ECT2: variants seen among roughly 807,000 people sequenced by gnomAD.
ECT2 encodes the protein protein ECT2.
ECT2 carries 61 observed loss-of-function variants against 116.9 expected under a neutral mutation model. The ratio of observed to expected loss-of-function variants is 0.52; its 90% CI spans 0.42 to 0.65. The LOEUF is 0.65. Ranked by LOEUF, ECT2 falls within the 30% of genes least tolerant of loss-of-function variation. The pLI is 0.00. For synonymous variants in ECT2, 358 were observed against 346.4 expected, an observed-to-expected ratio of 1.03 and a Z score of -0.37; for missense variants, 937 against 1,078.7, an observed-to-expected ratio of 0.87 and a Z score of 1.84.
At position 172,807,831 on chromosome 3, in the gene ECT2, C is replaced by T; in HGVS notation, c.2307C>T (p.Leu769=). The T allele has an allele frequency of 6.2e-7, 1 of 1,613,938 alleles. No individual in the cohort carries two copies. Among genetic ancestry groups the T allele is most frequent in the Non-Finnish European group, 8.5e-7 (1 of 1,179,852 alleles). ...RPPTEQANVL[L]SFQMTSDELP... is the part of the protein sequence containing the mutation. Reference sequence around the variant, plus strand: ...CAACAGAGCAGGCAAATGTGCTACTCAGTTTCCAGATGACATCAGATGAAC... The same window carrying T: ...CAACAGAGCAGGCAAATGTGCTACTTAGTTTCCAGATGACATCAGATGAAC... The change falls in exon 22 of 25, where the codon CTC becomes CTT. Residue 769 remains leucine, a synonymous_variant. Transcript: ENST00000392692.
intron 18 of ECT2, among the ~76,000 whole-genome samples, chr3:172,792,085 A>C (rs1349966568): frequency 6.6e-6 from 1 of 152,146 alleles, no homozygotes; most frequent in African/African-American, 2.4e-5. Flanking sequence ...ACACACACAC[A>C]CTTATCAATT....
intron 13 of ECT2, among the ~76,000 whole-genome samples, chr3:172,772,337 C>T (rs1469693833): frequency 6.6e-6 from 1 of 152,194 alleles, no homozygotes; most frequent in Non-Finnish European, 1.5e-5. Flanking sequence ...GGACTACAGG[C>T]ACCCGCCACC....
chr3:172,763,201 C>T (rs1258060987), intron 11 of ECT2, among the ~76,000 whole-genome samples: 2 of 152,116 alleles, frequency 1.3e-5, no homozygotes, highest in African/African-American at 2.4e-5. Flanking sequence ...GATAACATTA[C>T]GAACAAGAAC....
rs764057348 is a variant in ECT2 at position 172,786,519 on chromosome 3, A to G, written c.1852A>G (p.Asn618Asp). 2 of 1,611,090 alleles carry G rather than the reference A, an allele frequency of 1.2e-6. No individual in the cohort carries two copies. The highest frequency in any genetic ancestry group is 1.7e-6 in the Non-Finnish European group (2 of 1,178,000). ...NDLKKHTADE[N>D]PDKSTLEKAI... ...TCTTAAGAAGCATACAGCTGATGAA[A>G]ATCCAGACAAAAGCACTTTAGAAAA... The change falls in exon 18 of 25, where the codon AAT becomes GAT. Residue 618 changes from asparagine to aspartate, a missense_variant. Physicochemically the swap from Asn to Asp is conservative, Grantham distance 23 (BLOSUM62 1). Coordinates refer to ENST00000392692, the MANE Select transcript of ECT2 (RefSeq NM_001258315.2).
Position 172,764,288 on chromosome 3 carries a change from C to T in ECT2, c.1079C>T (p.Pro360Leu), listed in dbSNP as rs752728790. The change falls in exon 12 of 25, where the codon CCT becomes CTT. Residue 360 changes from proline (P) to leucine (L), a missense_variant. Transcript: ENST00000392692. ...TMYLYEKANT[P>L]ELKKSVSMLS... ...TGCTTTTGATTACAGGCAAATACTCCTGAGCTCAAGAAATCAGTGTCAATG... is the reference window on the plus strand; with the variant it reads ...TGCTTTTGATTACAGGCAAATACTCTTGAGCTCAAGAAATCAGTGTCAATG... The T allele has an allele frequency of 6.2e-7, 1 of 1,614,010 alleles. No individual in the cohort carries two copies. Among genetic ancestry groups the T allele is most frequent in the South Asian group, 1.1e-5 (1 of 91,076 alleles).
intron 4 of ECT2, among the ~76,000 whole-genome samples, chr3:172,756,611 C>T (rs530027731): frequency 6.6e-6 from 1 of 152,148 alleles, no homozygotes; most frequent in East Asian, 1.9e-4. Context: ...TAGTGGATAT[C>T]TTTCTAATGC....
chr3:172,779,912 A>G (rs1722395296), intron 14 of ECT2, among the ~76,000 whole-genome samples: 1 of 152,028 alleles, frequency 6.6e-6, no homozygotes, highest in Non-Finnish European at 1.5e-5. Context: ...AAAAAAAAGA[A>G]AGAAAATATG....
chr3:172,772,433 C>G (rs13079404), intron 13 of ECT2, among the ~76,000 whole-genome samples: 7 of 152,074 alleles, frequency 4.6e-5, no homozygotes, highest in Admixed American at 3.3e-4. Context: ...CCTGACCTCG[C>G]GATCCGCCCA....
At chr3:172,803,158 G>A (rs34170968) in intron 20 of ECT2, among the ~76,000 whole-genome samples, 178 bp downstream of exon 20, 87,833 of 151,958 alleles carry the variant, frequency 0.58, 26,170 homozygotes, top group East Asian at 0.86. Flanking sequence ...TGCTTTTAGA[G>A]GAAGGTCTAA....
chr3:172,756,732 T>G (rs774870545), intron 4 of ECT2, among the ~76,000 whole-genome samples: 1 of 152,208 alleles, frequency 6.6e-6, no homozygotes, highest in African/African-American at 2.4e-5. Flanking sequence ...ATTATGCCTT[T>G]ATAATACTGA....
chr3:172,816,353 G>A (rs1436070683), intron 23 of ECT2, among the ~76,000 whole-genome samples: 1 of 151,968 alleles, frequency 6.6e-6, no homozygotes, highest in Non-Finnish European at 1.5e-5. Flanking sequence ...TTATTCAAGT[G>A]AATTCCTTCA....
In ECT2 at chr3:172,757,447, T is replaced by G. The variant is rs182029041; in HGVS notation, c.486+282T>G. The stretch of plus-strand genomic sequence containing the variant: ...TTTTTTTTTTTTTGAGACGGAGTCT[T>G]GCTCTGTGCCCAGGCTGGAGTGCAG... On this transcript the variant is annotated intron_variant, in intron 5 of 24. Transcript: ENST00000392692. 1.4e-3 allele frequency among the ~76,000 whole-genome samples: 210 copies of G among 149,778 alleles called. 1 individual carries two copies. The highest frequency in any genetic ancestry group is 4.9e-3 in the African/African-American group (200 of 40,450).
chr3:172,810,310 A>T (rs546058425), intron 22 of ECT2, among the ~76,000 whole-genome samples: 2 of 152,248 alleles, frequency 1.3e-5, no homozygotes, highest in South Asian at 4.1e-4. Flanking sequence ...TTCAAAACTT[A>T]TCCTACAATG....
rs899030594 is a variant in ECT2 at position 172,820,186 on chromosome 3, C to G, written c.2694C>G (p.Phe898Leu). ...CCTCCCTTGTCAGCCTTCCTTCCTT[C>G]TTTGAAAGGAGAAGTCATACGTTAA... ...PSPSLVSLPS[F>L]FERRSHTLSR... Residue 898 changes from phenylalanine (F) to leucine (L), a missense_variant, in exon 25 of 25, where the codon TTC (phenylalanine) becomes TTG (leucine). Physicochemically the swap from Phe to Leu is conservative, Grantham distance 22. Transcript: ENST00000392692. 1 of 1,610,372 alleles carries G rather than the reference C, an allele frequency of 6.2e-7. No individual in the cohort carries two copies. The highest frequency in any genetic ancestry group is 1.3e-5 in the African/African-American group (1 of 74,742).
At chr3:172,784,865 A>C (rs982900815) in intron 17 of ECT2, 62 bp downstream of exon 17, 1 of 1,038,680 alleles carries the variant, frequency 9.6e-7, no homozygotes, top group African/African-American at 1.6e-5. Context: ...TTTTCCAAAA[A>C]AGATGAATTT....
chr3:172,773,882 C>G, intron 13 of ECT2, 21 bp from the exon 14 acceptor site: 4 of 1,609,252 alleles, frequency 2.5e-6, no homozygotes, highest in Non-Finnish European at 2.5e-6. Context: ...TCTACTTAAA[C>G]TAGTCTTTTT....
chr3:172,775,846 C>G (rs1721559327), intron 14 of ECT2, among the ~76,000 whole-genome samples: 1 of 152,018 alleles, frequency 6.6e-6, no homozygotes, highest in Non-Finnish European at 1.5e-5. Context: ...GCTGACCAGG[C>G]TGGTCTTGAA....
chr3:172,804,718 A>G (rs1223451707), intron 20 of ECT2, among the ~76,000 whole-genome samples: 1 of 152,016 alleles, frequency 6.6e-6, no homozygotes, highest in Non-Finnish European at 1.5e-5. Flanking sequence ...TTTATCCCTT[A>G]TTCCTGAGAG....
At chr3:172,769,948 T>G (rs931390756) in intron 13 of ECT2, among the ~76,000 whole-genome samples, 2 of 152,166 alleles carry the variant, frequency 1.3e-5, no homozygotes, top group East Asian at 1.9e-4. Context: ...TTAATTGACT[T>G]TTATTTGAAT....
Sources: allele counts gnomAD v4.1 joint callset (sites outside exome capture counted in the v4.1 genomes callset), GRCh38; gene constraint gnomAD v4.1.1; transcripts MANE v1.5; gene names NCBI Gene and HGNC (gene_info 2026-07-23, HGNC 2026-07-21).